The following MDGA2 variants were observed in gnomAD, a reference collection of about 807,000 sequenced individuals.
The protein encoded by MDGA2 is MAM domain-containing glycosylphosphatidylinositol anchor protein 2.
MDGA2 carries 40 observed loss-of-function variants against 117.8 expected under a neutral mutation model. That is an observed-to-expected ratio of 0.34 (90% CI 0.26 to 0.44). MDGA2 has a LOEUF of 0.44. MDGA2 is among the 20% of genes least tolerant of loss of function. The pLI is 1.00. For synonymous variants in MDGA2, 452 were observed against 439.0 expected (o/e 1.03, Z -0.37); for missense variants, 1,123 against 1,250.6 (o/e 0.90, Z 1.54).
At chr14:47,112,236 A>T (rs1881081026) in intron 5 of MDGA2, among the ~76,000 whole-genome samples, 1 of 152,164 alleles carries the variant, frequency 6.6e-6, no homozygotes, top group Non-Finnish European at 1.5e-5. Context: ...ATGCTTTTTT[A>T]AAAAATGTGT....
At chr14:47,387,295 A>G (rs1240189866) in intron 1 of MDGA2, among the ~76,000 whole-genome samples, 2 of 152,242 alleles carry the variant, frequency 1.3e-5, no homozygotes, top group East Asian at 3.9e-4. Context: ...TTACTTTGGT[A>G]CCACGGTTGG....
chr14:47,195,860 C>T (rs1034450141), intron 3 of MDGA2, among the ~76,000 whole-genome samples: 1 of 151,938 alleles, frequency 6.6e-6, no homozygotes, highest in Non-Finnish European at 1.5e-5. Flanking sequence ...AAAGCCACGT[C>T]TGAAATAAAG....
intron 1 of MDGA2, among the ~76,000 whole-genome samples, chr14:47,624,085 T>G (rs1897097752): frequency 6.6e-6 from 1 of 152,220 alleles, no homozygotes; most frequent in African/African-American, 2.4e-5. Context: ...AAGTATTGTT[T>G]TAATTTAATC....
chr14:47,649,893 T>C (rs1447033522), intron 1 of MDGA2, among the ~76,000 whole-genome samples: 2 of 152,024 alleles, frequency 1.3e-5, no homozygotes, highest in Non-Finnish European at 2.9e-5. Context: ...CTAAAAAAGT[T>C]GGGAGAGAGG....
At chr14:47,221,502 C>T (rs1282302552) in intron 2 of MDGA2, among the ~76,000 whole-genome samples, 1 of 152,016 alleles carries the variant, frequency 6.6e-6, no homozygotes, top group African/African-American at 2.4e-5. Flanking sequence ...TCCTGGCTAA[C>T]ATGGTGAAAC....
chr14:47,253,764 G>T (rs1051669007), intron 2 of MDGA2, among the ~76,000 whole-genome samples: 3 of 152,206 alleles, frequency 2.0e-5, no homozygotes, highest in African/African-American at 4.8e-5. Flanking sequence ...CTGTGTGGGG[G>T]CTCCAACTCC....
At chr14:47,152,895 T>A (rs1035239049) in intron 3 of MDGA2, among the ~76,000 whole-genome samples, 2 of 152,170 alleles carry the variant, frequency 1.3e-5, no homozygotes, top group Admixed American at 1.3e-4. Flanking sequence ...TAAGTGCATA[T>A]GACTTTTATT....
At chr14:47,618,306 AAGAT>A (rs1256627581) in intron 1 of MDGA2, among the ~76,000 whole-genome samples, 1 of 152,216 alleles carries the variant, frequency 6.6e-6, no homozygotes, top group Non-Finnish European at 1.5e-5. Flanking sequence ...TTCAGAATGA[AAGAT>A]AAGTGAATTC....
At chr14:47,653,787 T>C (rs1897690052) in intron 1 of MDGA2, among the ~76,000 whole-genome samples, 1 of 152,098 alleles carries the variant, frequency 6.6e-6, no homozygotes, top group African/African-American at 2.4e-5. Context: ...GACAGGACTA[T>C]GGAAGAAAGG....
intron 1 of MDGA2, among the ~76,000 whole-genome samples, chr14:47,434,075 T>G (rs1303421077): frequency 6.6e-6 from 1 of 152,088 alleles, no homozygotes; most frequent in Non-Finnish European, 1.5e-5. Flanking sequence ...GTCACTCTGA[T>G]AGCAAAAAAA....
chr14:47,318,822 G>A (rs1457897399), intron 1 of MDGA2, among the ~76,000 whole-genome samples: 1 of 151,906 alleles, frequency 6.6e-6, no homozygotes, highest in African/African-American at 2.4e-5. Flanking sequence ...AGGAAGGAAG[G>A]AAGGAAGGAA....
chr14:47,443,351 G>A (rs935704009), intron 1 of MDGA2, among the ~76,000 whole-genome samples: 5 of 152,030 alleles, frequency 3.3e-5, no homozygotes, highest in South Asian at 4.2e-4. Flanking sequence ...AATTGTGTTC[G>A]GTACTATCCA....
intron 5 of MDGA2, among the ~76,000 whole-genome samples, chr14:47,110,809 T>C (rs1017796272): frequency 2.0e-5 from 3 of 152,178 alleles, no homozygotes; most frequent in Non-Finnish European, 1.5e-5. Context: ...ATCTATGATA[T>C]ATCTATGTTT....
intron 10 of MDGA2, among the ~76,000 whole-genome samples, chr14:46,906,605 A>T (rs1883503768): frequency 6.6e-6 from 1 of 152,180 alleles, no homozygotes; most frequent in South Asian, 2.1e-4. Context: ...TATAAATTAG[A>T]GTATATATTT....
chr14:47,363,445 G>T (rs1316497513), intron 1 of MDGA2, among the ~76,000 whole-genome samples: 4 of 151,616 alleles, frequency 2.6e-5, no homozygotes, highest in African/African-American at 9.7e-5. Context: ...TTTAGTAGAG[G>T]TGGGGTTTCA....
At chr14:47,153,055 A>G (rs1883224350) in intron 3 of MDGA2, among the ~76,000 whole-genome samples, 1 of 152,222 alleles carries the variant, frequency 6.6e-6, no homozygotes, top group African/African-American at 2.4e-5. Flanking sequence ...AGGAATAGTA[A>G]TTTGGTATGA....
intron 1 of MDGA2, among the ~76,000 whole-genome samples, chr14:47,640,477 T>A (rs1416011779): frequency 6.6e-6 from 1 of 152,170 alleles, no homozygotes; most frequent in Non-Finnish European, 1.5e-5. Flanking sequence ...TGGCTTTTAA[T>A]GGTAAAATCA....
intron 1 of MDGA2, among the ~76,000 whole-genome samples, chr14:47,618,272 G>A (rs1449615947): frequency 6.6e-6 from 1 of 152,114 alleles, no homozygotes; most frequent in Non-Finnish European, 1.5e-5. Context: ...GACCTATCTT[G>A]GTGCACTTTT....
chr14:47,467,287 T>C (rs1002960968), intron 1 of MDGA2, among the ~76,000 whole-genome samples: 3 of 152,042 alleles, frequency 2.0e-5, no homozygotes, highest in African/African-American at 4.8e-5. Context: ...TGGCTGACTA[T>C]GGGTAGCTGA....
Sources: gnomAD v4.1 joint callset for allele counts (sites outside exome capture counted in the v4.1 genomes callset) on GRCh38, gnomAD v4.1.1 for gene constraint, MANE v1.5 for transcripts, NCBI Gene and HGNC (gene_info 2026-07-23, HGNC 2026-07-21) for gene names.